Variants in CENPE observed in about 807,000 individuals in gnomAD.
The protein encoded by CENPE is centromere protein E.
Under a neutral mutation model 336.1 loss-of-function variants are expected in CENPE, and 145 were observed. That is an observed-to-expected ratio of 0.43 (90% CI 0.38 to 0.50). The LOEUF is 0.50. Among genes scored for constraint, CENPE ranks in the 20% least tolerant of loss-of-function variants. CENPE has a pLI of 0.00. For missense variants in CENPE, 2,719 were observed against 3,023.3 expected (o/e 0.90, Z 2.36); for synonymous variants, 1,013 against 984.8 (o/e 1.03, Z -0.54).
At chr4:103,144,879 T>A (rs541435184) in intron 32 of CENPE, among the ~76,000 whole-genome samples, 171 bp downstream of exon 32, 1 of 152,364 alleles carries the variant, frequency 6.6e-6, no homozygotes, top group African/African-American at 2.4e-5. Context: ...ATATTCTGTC[T>A]ACTAACAGTT....
intron 20 of CENPE, 43 bp downstream of exon 20, chr4:103,161,040 TAGA>T (rs746311758): frequency 1.4e-6 from 2 of 1,452,094 alleles, no homozygotes; most frequent in African/African-American, 1.4e-5. Flanking sequence ...GGTACATTTC[TAGA>T]AGAAGTCAGA....
intron 46 of CENPE, among the ~76,000 whole-genome samples, chr4:103,112,889 TAA>T (rs1452062149): frequency 4.1e-5 from 1 of 24,346 alleles, no homozygotes; most frequent in Non-Finnish European, 8.1e-5. Context: ...TATAAGTATA[TAA>T]GTGTACATAT....
intron 38 of CENPE, among the ~76,000 whole-genome samples, chr4:103,139,157 A>G (rs996882968): frequency 2.8e-5 from 3 of 108,770 alleles, no homozygotes; most frequent in African/African-American, 8.3e-5. Context: ...CTTGTTCACT[A>G]CAGTACCTAG....
chr4:103,128,739 A>G (rs1368819814), intron 42 of CENPE, among the ~76,000 whole-genome samples: 1 of 152,220 alleles, frequency 6.6e-6, no homozygotes, highest in Non-Finnish European at 1.5e-5. Flanking sequence ...TGTTTAGAGG[A>G]AAATTTATAG....
chr4:103,177,049 AAAG>A lies in CENPE; in HGVS notation c.1243-6_1243-4del, dbSNP rs1560664605. The A allele has an allele frequency of 1.9e-6, 3 of 1,597,116 alleles. No homozygotes were observed. Among genetic ancestry groups the A allele is most frequent in the African/African-American group, 1.4e-5 (1 of 73,936 alleles). The stretch of plus-strand genomic sequence containing the variant: ...GTAACTCTTCGTTTTCTTTTAGCCT[AAAG>A]AAGAAGAAATCAAAATTATGTCATA... On this transcript the variant is annotated splice_region_variant and splice_polypyrimidine_tract_variant and intron_variant, in intron 13 of 48. Coordinates refer to ENST00000265148, the MANE Select transcript of CENPE (RefSeq NM_001813.3).
chr4:103,149,526 A>G, intron 26 of CENPE, 118 bp from the exon 27 acceptor site: 1 of 873,850 alleles, frequency 1.1e-6, no homozygotes, highest in Non-Finnish European at 1.7e-6. Flanking sequence ...CATTAAAAGT[A>G]AATGAAACTC....
In CENPE at chr4:103,108,949, G is replaced by A. The variant is rs1037187636; in HGVS notation, c.7865C>T (p.Thr2622Ile). 1 of 1,613,744 alleles carries A rather than the reference G, an allele frequency of 6.2e-7. No homozygotes were observed. The highest frequency in any genetic ancestry group is 1.7e-5 in the Admixed American group (1 of 59,980). ...ATTCCGTTCCTTGCATTGAGAGGGTGTAATTTGTTTCTTTTTAGAAGCTGT... is the reference window on the plus strand; with the variant it reads ...ATTCCGTTCCTTGCATTGAGAGGGTATAATTTGTTTCTTTTTAGAAGCTGT... ...TGTASKKKQI[T>I]PSQCKERNLQ... is the part of the protein sequence containing the mutation. The change falls in exon 48 of 49, where the codon ACA (threonine) becomes ATA (isoleucine). Residue 2622 changes from threonine to isoleucine, a missense_variant. Physicochemically the swap from Thr to Ile is moderately conservative, Grantham distance 89. Coordinates refer to ENST00000265148, the MANE Select transcript of CENPE (RefSeq NM_001813.3).
At chr4:103,187,443 T>A (rs953440375) in intron 8 of CENPE, among the ~76,000 whole-genome samples, 3 of 152,132 alleles carry the variant, frequency 2.0e-5, no homozygotes, top group Non-Finnish European at 4.4e-5. Context: ...GACTAACAGC[T>A]GATCTCTCAG....
chr4:103,174,630 A>C, intron 16 of CENPE, 106 bp downstream of exon 16: 1 of 723,810 alleles, frequency 1.4e-6, no homozygotes, highest in Non-Finnish European at 2.1e-6. Flanking sequence ...ATAAAATGTT[A>C]TCTGTACATT....
chr4:103,190,533 G>C (rs1757214653), intron 8 of CENPE, among the ~76,000 whole-genome samples: 1 of 152,168 alleles, frequency 6.6e-6, no homozygotes, highest in Non-Finnish European at 1.5e-5. Flanking sequence ...ATAAAAACAA[G>C]AAATGGAGAA....
In CENPE at chr4:103,136,303, C is replaced by T; in HGVS notation, c.6360G>A (p.Leu2120=). 1.2e-6 allele frequency: 2 copies of T among 1,613,128 alleles called. No homozygotes were observed. The highest frequency in any genetic ancestry group is 2.2e-5 in the East Asian group (1 of 44,798). Residue 2120 remains leucine, a synonymous_variant, in exon 40 of 49, where the codon TTG becomes TTA. Coordinates refer to ENST00000265148, the MANE Select transcript of CENPE (RefSeq NM_001813.3). The part of the protein sequence containing the change: ...MDDHYECLNR[L]SLDLEKEIEF... ...CAATTTCCTTCTCCAAGTCAAGAGA[C>T]AATCTATTCAAGCACTCATAATGAT...
At position 103,120,290 on chromosome 4, in the gene CENPE, C is replaced by T. The variant is rs369337735; in HGVS notation, c.7187G>A (p.Ser2396Asn). Reference protein sequence around the residue: ...LENSLHEAKESAMHKESKIIK... With the variant: ...LENSLHEAKENAMHKESKIIK... Reference sequence around the variant, plus strand: ...AATCTTGCTTTCCTTATGCATAGCACTTTCTTTAGCTTCATGCAGTGAATT... The same window carrying T: ...AATCTTGCTTTCCTTATGCATAGCATTTTCTTTAGCTTCATGCAGTGAATT... Residue 2396 changes from serine (S) to asparagine (N), a missense_variant, in exon 44 of 49, where the codon AGT (serine) becomes AAT (asparagine). Ser to Asn is a conservative substitution (Grantham distance 46). Around this residue, in one of 5 missense-constraint regions of CENPE, gnomAD observed 2,437 missense variants for 2,513.3 expected, o/e 0.97. Coordinates refer to ENST00000265148, the MANE Select transcript of CENPE (RefSeq NM_001813.3). The T allele has an allele frequency of 3.1e-6, 5 of 1,610,012 alleles. No homozygotes were observed. The highest frequency in any genetic ancestry group is 4.5e-5 in the East Asian group (2 of 44,690).
At chr4:103,136,499 C>T (rs779467006) in intron 39 of CENPE, 140 bp from the exon 40 acceptor site, 135 of 516,868 alleles carry the variant, frequency 2.6e-4, no homozygotes, top group Non-Finnish European at 3.9e-4. Flanking sequence ...TGTCTAAAAA[C>T]AAAAGGAAAC....
intron 1 of CENPE, 113 bp downstream of exon 1, chr4:103,198,151 A>G (rs1757882035): frequency 1.0e-6 from 1 of 1,002,676 alleles, no homozygotes; most frequent in African/African-American, 1.6e-5. Flanking sequence ...CCGAGTCACT[A>G]GACAGCAGAG....
Position 103,106,265 on chromosome 4 carries a change from T to A in CENPE, c.8063A>T (p.His2688Leu). ...ESVDSQPGPWHASSGKDVPEC... is the reference protein window; with the variant it reads ...ESVDSQPGPWLASSGKDVPEC... The stretch of plus-strand genomic sequence containing the variant: ...AGGCACATCCTTGCCTGAGGAGGCG[T>A]GCCAAGGACCTGGCTGAGAATCCAC... Residue 2688 changes from histidine to leucine, a missense_variant, in exon 49 of 49, where the codon CAC (histidine) becomes CTC (leucine). Physicochemically the swap from His to Leu is moderately conservative, Grantham distance 99. Transcript: ENST00000265148. The A allele has an allele frequency of 3.1e-6, 5 of 1,603,530 alleles. No homozygotes were observed. Among genetic ancestry groups the A allele is most frequent in the Non-Finnish European group, 3.4e-6 (4 of 1,174,230 alleles).
chr4:103,121,549 C>CTTTTT (rs11454081), intron 43 of CENPE, among the ~76,000 whole-genome samples: 7 of 135,912 alleles, frequency 5.2e-5, no homozygotes, highest in South Asian at 2.4e-4. Context: ...TTCTTTCTTT[C>CTTTTT]TTTTTTTTTT....
chr4:103,175,737 A>G (rs908519208), intron 15 of CENPE, among the ~76,000 whole-genome samples: 2 of 152,132 alleles, frequency 1.3e-5, no homozygotes, highest in Non-Finnish European at 2.9e-5. Flanking sequence ...CTGCTAGTAA[A>G]GAGCTAGAGG....
Position 103,161,196 on chromosome 4 carries a change from C to T in CENPE, c.2021G>A (p.Ser674Asn), listed in dbSNP as rs370702407. 4 of 1,611,622 alleles carry T rather than the reference C, an allele frequency of 2.5e-6. No individual in the cohort carries two copies. Among genetic ancestry groups the T allele is most frequent in the African/African-American group, 1.3e-5 (1 of 74,784 alleles). The stretch of plus-strand genomic sequence containing the variant: ...CATTTTCTTTTTTGCCTCCAACTGG[C>T]TTTGATATAACTGAATATCATTTTC... ...QMENDIQLYQ[S>N]QLEAKKKMQV... The change falls in exon 20 of 49, where the codon AGC (serine) becomes AAC (asparagine). Residue 674 changes from serine to asparagine, a missense_variant. Physicochemically the swap from Ser to Asn is conservative, Grantham distance 46. Coordinates refer to ENST00000265148, the MANE Select transcript of CENPE (RefSeq NM_001813.3).
Position 103,149,313 on chromosome 4 carries a change from C to G in CENPE, c.3492G>C (p.Lys1164Asn). The G allele has an allele frequency of 2.5e-6, 4 of 1,611,610 alleles. No individual in the cohort carries two copies. Among genetic ancestry groups the G allele is most frequent in the South Asian group, 1.1e-5 (1 of 90,510 alleles). The change falls in exon 27 of 49, where the codon AAG becomes AAC. Residue 1164 changes from lysine to asparagine, a missense_variant. Around this residue, in one of 5 missense-constraint regions of CENPE, gnomAD observed 2,437 missense variants for 2,513.3 expected, o/e 0.97. Coordinates refer to ENST00000265148, the MANE Select transcript of CENPE (RefSeq NM_001813.3). ...TCAATTCTTTGTTCTTTAATTCATT[C>G]TTTAAATTCTCTATTTCATTAATCT... ...QKKINEIENL[K>N]NELKNKELTL...
Sources: allele counts gnomAD v4.1 joint callset (sites outside exome capture counted in the v4.1 genomes callset), GRCh38; gene constraint gnomAD v4.1.1; regional missense constraint gnomAD v4.1.1; transcripts MANE v1.5; gene names NCBI Gene and HGNC (gene_info 2026-07-23, HGNC 2026-07-21).